Variants in HSPA12A observed in about 807,000 individuals in gnomAD.
The protein encoded by HSPA12A is heat shock 70 kDa protein 12A.
A neutral mutation model predicts 69.2 loss-of-function variants in HSPA12A; 28 were observed. The observed-to-expected ratio is 0.40, with a 90% CI of 0.30 to 0.55. The LOEUF is 0.55. Ranked by LOEUF, HSPA12A falls within the 20% of genes least tolerant of loss-of-function variation. The pLI, the probability that HSPA12A is intolerant of heterozygous loss-of-function variation, is 0.38. For synonymous variants in HSPA12A, 345 were observed against 370.5 expected (o/e 0.93, Z 0.79); for missense variants, 686 against 900.7 (o/e 0.76, Z 3.05).
At chr10:116,681,124 TA>T (rs782574146) in intron 9 of HSPA12A, 27 bp downstream of exon 9, 1 of 1,499,526 alleles carries the variant, frequency 6.7e-7, no homozygotes, top group South Asian at 1.1e-5. Context: ...GGCTCAGGAA[TA>T]AGAAAATTAG....
intron 2 of HSPA12A, among the ~76,000 whole-genome samples, chr10:116,705,807 CCACT>C (rs1402566075): frequency 3.9e-5 from 6 of 152,188 alleles, no homozygotes; most frequent in African/African-American, 1.4e-4. Flanking sequence ...GCCACATGAC[CCACT>C]GTGACTGTCA....
chr10:116,739,700 C>A (rs1227925517), intron 1 of HSPA12A, among the ~76,000 whole-genome samples: 1 of 152,134 alleles, frequency 6.6e-6, no homozygotes, highest in Non-Finnish European at 1.5e-5. Context: ...TTTTGCTGTC[C>A]AACACCCAGA....
intron 2 of HSPA12A, among the ~76,000 whole-genome samples, chr10:116,824,996 C>T (rs1392603712): frequency 4.0e-5 from 6 of 150,304 alleles, no homozygotes; most frequent in East Asian, 4.2e-4. Context: ...GAGATCAGCC[C>T]GGGCAACATG....
chr10:116,696,672 C>A (rs1443211881), intron 5 of HSPA12A, among the ~76,000 whole-genome samples: 1 of 152,120 alleles, frequency 6.6e-6, no homozygotes, highest in Admixed American at 6.5e-5. Context: ...ACTAGAAATC[C>A]TTTGAGGACT....
At chr10:116,742,041 T>C (rs538515171) in intron 1 of HSPA12A, among the ~76,000 whole-genome samples, 5 of 152,114 alleles carry the variant, frequency 3.3e-5, no homozygotes, top group African/African-American at 1.2e-4. Flanking sequence ...CGGCGGGCCC[T>C]TTACCCAGCC....
At chr10:116,828,636 C>T (rs1394357488) in intron 2 of HSPA12A, 2 of 152,132 alleles carry the variant, frequency 1.3e-5, no homozygotes, top group African/African-American at 2.4e-5. Flanking sequence ...AATACAGGAC[C>T]CCTCGTTCAA....
intron 2 of HSPA12A, among the ~76,000 whole-genome samples, chr10:116,811,056 T>C (rs1008160253): frequency 2.6e-5 from 4 of 152,150 alleles, no homozygotes; most frequent in Admixed American, 2.0e-4. Flanking sequence ...GGGAAGGAGC[T>C]ACCTGGGATG....
chr10:116,674,205 A>G lies in HSPA12A; in HGVS notation c.*576T>C, dbSNP rs79889723. On this transcript the variant is annotated 3_prime_UTR_variant, in exon 12 of 12. Coordinates refer to ENST00000369209, the MANE Select transcript of HSPA12A (RefSeq NM_025015.3). ...GCTGTTTAAATGATATGAGAATCTA[A>G]AACAGTGCCCAGTGTAGGCAGCCTT... The G allele has an allele frequency of 6.4e-6, 1 of 155,712 alleles. No individual in the cohort carries two copies. Among genetic ancestry groups the G allele is most frequent in the African/African-American group, 2.4e-5 (1 of 41,602 alleles). 9.6% of individuals were successfully genotyped at this position (155,712 alleles called of 1,614,324 possible).
In HSPA12A at chr10:116,676,390, G is replaced by C; in HGVS notation, c.1390+9C>G. ...CCTCGCCGAGTGGCCGAGCCTGGCT[G>C]ATACTTACGGAGATGCTCAATGATG... On this transcript the variant is annotated intron_variant, in intron 11 of 11. Transcript: ENST00000369209. 2 of 1,609,488 alleles carry C rather than the reference G, an allele frequency of 1.2e-6. No individual in the cohort carries two copies. The highest frequency in any genetic ancestry group is 8.5e-7 in the Non-Finnish European group (1 of 1,176,360).
intron 2 of HSPA12A, among the ~76,000 whole-genome samples, chr10:116,798,226 C>G (rs1844875797): frequency 1.3e-5 from 2 of 152,208 alleles, no homozygotes; most frequent in South Asian, 4.1e-4. Flanking sequence ...GGAGCCCAGT[C>G]AGGCAGCCAC....
intron 2 of HSPA12A, among the ~76,000 whole-genome samples, chr10:116,814,023 A>G (rs1304348191): frequency 6.6e-6 from 1 of 152,240 alleles, no homozygotes; most frequent in Non-Finnish European, 1.5e-5. Context: ...GAATTAGCCA[A>G]GAAGGACTTT....
At chr10:116,750,177 C>G in intron 2 of HSPA12A, 1 of 632,826 alleles carries the variant, frequency 1.6e-6, no homozygotes, top group Non-Finnish European at 2.9e-6. Flanking sequence ...GTTGGCCTGA[C>G]AAATTATGCT....
At chr10:116,754,636 A>G (rs964340937) in intron 2 of HSPA12A, among the ~76,000 whole-genome samples, 9 of 152,202 alleles carry the variant, frequency 5.9e-5, no homozygotes, top group Non-Finnish European at 2.9e-5. Context: ...TAAATACTCA[A>G]AAGTCACAAA....
intron 2 of HSPA12A, among the ~76,000 whole-genome samples, chr10:116,786,101 C>T (rs1203354265): frequency 4.6e-5 from 7 of 152,290 alleles, no homozygotes; most frequent in East Asian, 3.9e-4. Flanking sequence ...AGAAGCCCCA[C>T]GTGGAGCCTC....
chr10:116,698,815 A>C, intron 4 of HSPA12A, 76 bp from the exon 5 acceptor site: 1 of 1,156,554 alleles, frequency 8.6e-7, no homozygotes, highest in Non-Finnish European at 1.3e-6. Flanking sequence ...GGACTGCTCC[A>C]AGGGGACCTA....
chr10:116,678,534 G>C (rs575837118), intron 10 of HSPA12A, among the ~76,000 whole-genome samples: 1 of 148,764 alleles, frequency 6.7e-6, no homozygotes, highest in East Asian at 2.0e-4. Context: ...GACTCGAGGG[G>C]CGTATCAGAT....
At chr10:116,734,271 G>A (rs1554886183) in intron 1 of HSPA12A, among the ~76,000 whole-genome samples, 1 of 151,956 alleles carries the variant, frequency 6.6e-6, no homozygotes, top group Non-Finnish European at 1.5e-5. Flanking sequence ...CCAACATGGT[G>A]AAACTCTGCC....
At chr10:116,718,600 T>C (rs532954301) in intron 1 of HSPA12A, among the ~76,000 whole-genome samples, 1 of 152,282 alleles carries the variant, frequency 6.6e-6, no homozygotes, top group South Asian at 2.1e-4. Flanking sequence ...GCACCAACCT[T>C]GAGGGACACC....
At position 116,683,879 on chromosome 10, in the gene HSPA12A, C is replaced by T. The variant is rs1554879088; in HGVS notation, c.747G>A (p.Leu249=). Residue 249 remains leucine, a synonymous_variant, in exon 7 of 12, where the codon CTG becomes CTA. Transcript: ENST00000369209. ...TCAGCTCAATCATCTGGTGTAGCCG[C>T]AGCTTTCGGCAGTAGATAGAGGCTG... is the stretch of plus-strand genomic sequence containing the variant. ...PEAASIYCRK[L]RLHQMIELSS... is the part of the protein sequence containing the mutation. 1 of 1,599,838 alleles carries T rather than the reference C, an allele frequency of 6.3e-7. No individual in the cohort carries two copies. The highest frequency in any genetic ancestry group is 1.7e-4 in the Middle Eastern group (1 of 5,906).
Sources: allele counts gnomAD v4.1 joint callset (sites outside exome capture counted in the v4.1 genomes callset), GRCh38; gene constraint gnomAD v4.1.1; transcripts MANE v1.5; gene names NCBI Gene and HGNC (gene_info 2026-07-23, HGNC 2026-07-21).